Variants in PHACTR3 observed in about 807,000 individuals in gnomAD.
PHACTR3 encodes protein phosphatase 1, regulatory subunit 123.
Under a neutral mutation model 66.8 loss-of-function variants are expected in PHACTR3, and 16 were observed. The observed-to-expected ratio is 0.24, with a 90% CI of 0.16 to 0.36. The LOEUF (loss-of-function observed/expected upper bound fraction) is 0.36. Ranked by LOEUF, PHACTR3 falls within the 10% of genes least tolerant of loss-of-function variation. PHACTR3 has a pLI of 1.00. For synonymous variants in PHACTR3, 323 were observed against 292.1 expected (o/e 1.11, Z -1.08); for missense variants, 647 against 719.9 (o/e 0.90, Z 1.16).
chr20:59,844,118 T>A (rs1406754718), intron 11 of PHACTR3: 2 of 152,026 alleles, frequency 1.3e-5, no homozygotes, highest in African/African-American at 4.8e-5. Flanking sequence ...AAAACCACGA[T>A]GAGATATCAT....
chr20:59,625,945 G>A (rs1381877003), intron 1 of PHACTR3, among the ~76,000 whole-genome samples: 3 of 152,116 alleles, frequency 2.0e-5, no homozygotes, highest in Admixed American at 6.5e-5. Flanking sequence ...GGTGAGGGAC[G>A]TGGAGATTTC....
chr20:59,818,948 G>A (rs1041754000), intron 8 of PHACTR3, among the ~76,000 whole-genome samples: 4 of 151,814 alleles, frequency 2.6e-5, no homozygotes, highest in African/African-American at 7.3e-5. Flanking sequence ...CCATAATCAC[G>A]AATTTGCCCC....
chr20:59,808,295 G>A (rs1468997969), intron 8 of PHACTR3, among the ~76,000 whole-genome samples: 5 of 152,258 alleles, frequency 3.3e-5, no homozygotes, highest in African/African-American at 9.6e-5. Context: ...AGCAGGCATC[G>A]GTGGGCTTTC....
At chr20:59,650,385 G>A (rs976418436) in intron 1 of PHACTR3, among the ~76,000 whole-genome samples, 1 of 151,972 alleles carries the variant, frequency 6.6e-6, no homozygotes, top group Non-Finnish European at 1.5e-5. Context: ...GTTCTCGTTG[G>A]GGGGAGGGCG....
At chr20:59,675,596 G>T (rs1250389879) in intron 1 of PHACTR3, among the ~76,000 whole-genome samples, 2 of 152,188 alleles carry the variant, frequency 1.3e-5, no homozygotes, top group Non-Finnish European at 2.9e-5. Context: ...TGTCTTTCTT[G>T]CCAGCAGCAC....
intron 1 of PHACTR3, among the ~76,000 whole-genome samples, chr20:59,739,982 G>A (rs748414956): frequency 2.6e-5 from 4 of 152,108 alleles, no homozygotes; most frequent in Non-Finnish European, 5.9e-5. Context: ...TCTTCAGTTT[G>A]TTCATCTGTA....
chr20:59,771,954 C>T (rs987487507), intron 5 of PHACTR3, among the ~76,000 whole-genome samples: 20 of 152,220 alleles, frequency 1.3e-4, no homozygotes, highest in African/African-American at 4.6e-4. Flanking sequence ...GGTGTTTGCA[C>T]CAGTCCTGCC....
intron 1 of PHACTR3, among the ~76,000 whole-genome samples, chr20:59,597,347 C>T (rs543841521): frequency 6.6e-6 from 1 of 152,332 alleles, no homozygotes; most frequent in East Asian, 1.9e-4. Context: ...CATACTTCCT[C>T]CTCCTTTATC....
intron 7 of PHACTR3, among the ~76,000 whole-genome samples, chr20:59,778,322 G>A (rs2040605651): frequency 6.6e-6 from 1 of 152,072 alleles, no homozygotes; most frequent in South Asian, 2.1e-4. Flanking sequence ...AGTGCCTGTG[G>A]CCCCACCCCA....
intron 1 of PHACTR3, among the ~76,000 whole-genome samples, chr20:59,663,282 G>A (rs1276019063): frequency 1.3e-5 from 2 of 152,154 alleles, no homozygotes; most frequent in Admixed American, 1.3e-4. Context: ...CATGAATCTT[G>A]GCAGGGGAAC....
chr20:59,806,083 A>G lies in PHACTR3; in HGVS notation c.1217A>G (p.Lys406Arg). 1 of 1,614,226 alleles carries G rather than the reference A, an allele frequency of 6.2e-7. No homozygotes were observed. Among genetic ancestry groups the G allele is most frequent in the African/African-American group, 1.3e-5 (1 of 75,076 alleles). ...TGCAAGAAGGAGCTCCTGGCCGTGA[A>G]GCTAAGGAACCGGCCAAGCAAACAG... ...RKCKKELLAV[K>R]LRNRPSKQEL... is the part of the protein sequence containing the mutation. The change falls in exon 8 of 13, where the codon AAG becomes AGG. Residue 406 changes from lysine (K) to arginine (R), a missense_variant. Coordinates refer to ENST00000371015, the MANE Select transcript of PHACTR3 (RefSeq NM_080672.5).
chr20:59,821,162 A>G (rs1474479577), intron 8 of PHACTR3, among the ~76,000 whole-genome samples: 1 of 152,202 alleles, frequency 6.6e-6, no homozygotes, highest in Non-Finnish European at 1.5e-5. Flanking sequence ...ATGGAGGCCC[A>G]GAGAGATTGG....
At chr20:59,605,154 G>A in intron 1 of PHACTR3, 22 bp downstream of exon 1, 2 of 1,282,838 alleles carry the variant, frequency 1.6e-6, no homozygotes, top group Non-Finnish European at 2.0e-6. Flanking sequence ...GGCGGGGGCG[G>A]CGGGCGGGTC....
At chr20:59,721,641 A>G (rs2038305654) in intron 1 of PHACTR3, among the ~76,000 whole-genome samples, 1 of 152,220 alleles carries the variant, frequency 6.6e-6, no homozygotes, top group African/African-American at 2.4e-5. Context: ...TAAGGAATCT[A>G]GATGAGGCCA....
intron 1 of PHACTR3, among the ~76,000 whole-genome samples, chr20:59,685,459 G>A (rs1184852293): frequency 6.6e-6 from 1 of 152,200 alleles, no homozygotes; most frequent in African/African-American, 2.4e-5. Context: ...GTAAGATGGT[G>A]GTGTTGAAAG....
chr20:59,823,842 A>G (rs550311668), intron 8 of PHACTR3, among the ~76,000 whole-genome samples: 2 of 152,326 alleles, frequency 1.3e-5, no homozygotes, highest in South Asian at 4.1e-4. Context: ...CCCATATGAG[A>G]TCATTTAATC....
At chr20:59,763,485 G>T (rs990913484) in intron 4 of PHACTR3, among the ~76,000 whole-genome samples, 3 of 152,198 alleles carry the variant, frequency 2.0e-5, no homozygotes, top group African/African-American at 7.2e-5. Context: ...TGGGTTGATG[G>T]TTGAATGAGC....
At chr20:59,698,215 A>G (rs1338562968) in intron 1 of PHACTR3, among the ~76,000 whole-genome samples, 1 of 152,214 alleles carries the variant, frequency 6.6e-6, no homozygotes, top group Non-Finnish European at 1.5e-5. Context: ...GGACAGTATA[A>G]TACCATGTTT....
chr20:59,737,202 G>T (rs1344394069), intron 1 of PHACTR3, among the ~76,000 whole-genome samples: 1 of 152,034 alleles, frequency 6.6e-6, no homozygotes, highest in African/African-American at 2.4e-5. Flanking sequence ...CCACTGGGGC[G>T]GCCCTCTGGA....
Sources: allele counts gnomAD v4.1 joint callset (sites outside exome capture counted in the v4.1 genomes callset), GRCh38; gene constraint gnomAD v4.1.1; transcripts MANE v1.5; gene names NCBI Gene and HGNC (gene_info 2026-07-23, HGNC 2026-07-21).